EPG5: variants seen among roughly 807,000 people sequenced by gnomAD.
The protein encoded by EPG5 is ectopic P-granules 5 autophagy tethering factor, also known as ectopic P granules protein 5 homolog.
EPG5 carries 159 observed loss-of-function variants against 302.7 expected under a neutral mutation model. The observed-to-expected ratio is 0.53, with a 90% CI of 0.46 to 0.60. The LOEUF is 0.60. EPG5 is among the 20% of genes least tolerant of loss of function. EPG5 has a pLI of 0.00. For missense variants in EPG5, 2,896 were observed against 3,092.4 expected, an observed-to-expected ratio of 0.94 and a Z score of 1.51; for synonymous variants, 1,158 against 1,136.8, an observed-to-expected ratio of 1.02 and a Z score of -0.37.
intron 12 of EPG5, among the ~76,000 whole-genome samples, chr18:45,929,280 A>G (rs2050347683): frequency 2.0e-5 from 3 of 152,228 alleles, no homozygotes. Flanking sequence ...TGTCGGTAAC[A>G]ATAAAATGGT....
chr18:45,824,332 A>G, the EPG5 span, among the ~76,000 whole-genome samples: 1 of 152,142 alleles, frequency 6.6e-6, no homozygotes, highest in Non-Finnish European at 1.5e-5. Context: ...TCAGCCTCCC[A>G]AGTAGCTGAG....
chr18:45,810,587 C>A, the EPG5 span, among the ~76,000 whole-genome samples: 1 of 152,126 alleles, frequency 6.6e-6, no homozygotes, highest in Non-Finnish European at 1.5e-5. Flanking sequence ...CCAAGGCTAG[C>A]CTGGCTAACA....
At chr18:45,914,504 A>ATGC (rs1265328392) in intron 20 of EPG5, among the ~76,000 whole-genome samples, 2 of 152,258 alleles carry the variant, frequency 1.3e-5, no homozygotes, top group African/African-American at 4.8e-5. Flanking sequence ...GATAAAAATA[A>ATGC]TGCTGCTGCT....
intron 9 of EPG5, among the ~76,000 whole-genome samples, chr18:45,941,476 G>A (rs866948539): frequency 2.6e-5 from 4 of 152,176 alleles, no homozygotes; most frequent in African/African-American, 9.7e-5. Context: ...ACGATCTGAA[G>A]GCAAGCCCTT....
rs564136420 is a variant in EPG5 at position 45,883,630 on chromosome 18, T to G, written c.5304+987A>C. Among the ~76,000 whole-genome samples the G allele has an allele frequency of 2.8e-3, 393 of 138,522 alleles. 7 individuals carry two copies. The highest frequency in any genetic ancestry group is 0.01 in the African/African-American group (359 of 35,346). 90.9% of individuals were successfully genotyped at this position (138,522 alleles called of 152,430 possible). On this transcript the variant is annotated intron_variant, in intron 30 of 43. Coordinates refer to ENST00000282041, the MANE Select transcript of EPG5 (RefSeq NM_020964.3). ...TAGCCTGGTGTTTTTTTTTTTTTTT[T>G]TTTTTTTTTTTGTACAGACAGGGTT...
chr18:45,955,413 G>T, intron 1 of EPG5, 75 bp from the exon 2 acceptor site: 2 of 1,078,608 alleles, frequency 1.9e-6, no homozygotes, highest in Non-Finnish European at 2.6e-6. Context: ...TTTTAAAGTT[G>T]CACATAAAAT....
At chr18:45,884,868 A>C in intron 29 of EPG5, 57 bp from the exon 30 acceptor site, 1 of 1,314,196 alleles carries the variant, frequency 7.6e-7, no homozygotes, top group Non-Finnish European at 1.0e-6. Context: ...ACCTTTATTT[A>C]AGCAAGCAAA....
Position 45,948,515 on chromosome 18 carries a change from A to G in EPG5, c.1559T>C (p.Met520Thr), listed in dbSNP as rs1169727556. 2 of 1,613,370 alleles carry G rather than the reference A, an allele frequency of 1.2e-6. No homozygotes were observed. The highest frequency in any genetic ancestry group is 2.7e-5 in the African/African-American group (2 of 74,936). Residue 520 changes from methionine to threonine, a missense_variant, in exon 6 of 44, where the codon ATG (methionine) becomes ACG (threonine). By Grantham distance (81) the Met-to-Thr change is moderately conservative (BLOSUM62 -1). This residue lies in a region of EPG5 where 1,390 missense variants were observed against 1,430.0 expected (regional missense o/e 0.97). Coordinates refer to ENST00000282041, the MANE Select transcript of EPG5 (RefSeq NM_020964.3). ...FHFMQSLALLMSPVKNRAEFM... is the reference protein window; with the variant it reads ...FHFMQSLALLTSPVKNRAEFM... ...CTTGCACACTTACTTGACAGGAGAC[A>G]TCAGCAGGGCAAGGGATTGCATAAA...
At chr18:45,833,728 G>C in the EPG5 span, among the ~76,000 whole-genome samples, 1 of 152,162 alleles carries the variant, frequency 6.6e-6, no homozygotes, top group Admixed American at 6.5e-5. Flanking sequence ...TATTGTTGCT[G>C]TTGCTGTTAG....
At chr18:45,820,648 T>TG in the EPG5 span, among the ~76,000 whole-genome samples, 152 of 152,254 alleles carry the variant, frequency 1.0e-3, no homozygotes, top group Admixed American at 4.6e-3. Context: ...CTGAGCCAGC[T>TG]GGGGGTTCAT....
chr18:45,949,487 G>A lies in EPG5; in HGVS notation c.1494C>T (p.Ile498=), dbSNP rs776905444. ...AGVSKWAVPF[I]QIKVLHNPSG... ...ATGAGTTGATGATTCATCATACCTG[G>A]ATAAAAGGAACAGCCCATTTACTAA... The change falls in exon 5 of 44, where the codon ATC becomes ATT. Residue 498 remains isoleucine, a synonymous_variant. Transcript: ENST00000282041. The A allele has an allele frequency of 6.3e-7, 1 of 1,596,418 alleles. No individual in the cohort carries two copies. Among genetic ancestry groups the A allele is most frequent in the Non-Finnish European group, 8.6e-7 (1 of 1,165,190 alleles).
At chr18:45,952,778 C>A (rs1039201885) in intron 2 of EPG5, 135 bp from the exon 3 acceptor site, 1 of 919,744 alleles carries the variant, frequency 1.1e-6, no homozygotes, top group African/African-American at 1.7e-5. Context: ...AGACATATTA[C>A]TGTGTAGAGA....
chr18:45,806,168 T>C, the EPG5 span, among the ~76,000 whole-genome samples: 1 of 152,200 alleles, frequency 6.6e-6, no homozygotes, highest in Non-Finnish European at 1.5e-5. Context: ...CTCAATAGTA[T>C]CCCATTGCCA....
rs2050067200 is a variant in EPG5 at position 45,917,817 on chromosome 18, A to G, written c.3101T>C (p.Ile1034Thr). 2 of 1,613,778 alleles carry G rather than the reference A, an allele frequency of 1.2e-6. No individual in the cohort carries two copies. The highest frequency in any genetic ancestry group is 3.3e-5 in the Admixed American group (2 of 59,962). ...ALSMTAVGHS[I>T]EKFCAEGIPL... ...GATGCCTTCTGCACAGAACTTCTCA[A>G]TGCTATGGAAAAAGAGAAAGGCACT... The change falls in exon 17 of 44, where the codon ATT (isoleucine) becomes ACT (threonine). Residue 1034 changes from isoleucine (I) to threonine (T), a missense_variant and splice_region_variant. This residue lies in a region of EPG5 where 1,390 missense variants were observed against 1,430.0 expected (regional missense o/e 0.97). Coordinates refer to ENST00000282041, the MANE Select transcript of EPG5 (RefSeq NM_020964.3).
At chr18:45,949,308 C>T (rs2050852711) in intron 5 of EPG5, among the ~76,000 whole-genome samples, 176 bp downstream of exon 5, 3 of 152,018 alleles carry the variant, frequency 2.0e-5, no homozygotes, top group Admixed American at 1.3e-4. Flanking sequence ...TATGGGTAGC[C>T]CAACAAGTTT....
chr18:45,915,696 G>T, intron 19 of EPG5, 75 bp from the exon 20 acceptor site: 1 of 1,093,938 alleles, frequency 9.1e-7, no homozygotes. Context: ...AAGAGTATCA[G>T]CAACTGTCTT....
At position 45,849,548 on chromosome 18, in the gene EPG5, G is replaced by A. The variant is rs1191608429; in HGVS notation, c.*2919C>T. 3.9e-5 allele frequency: 6 copies of A among 152,260 alleles called. No individual in the cohort carries two copies. Among genetic ancestry groups the A allele is most frequent in the Non-Finnish European group, 8.8e-5 (6 of 68,060 alleles). 9.4% of individuals were successfully genotyped at this position (152,260 alleles called of 1,614,324 possible). On this transcript the variant is annotated 3_prime_UTR_variant, in exon 44 of 44. Transcript: ENST00000282041. ...TATCACCTTCATTTGAAAGGAACGA[G>A]GACATGAACACTCTTGGCTTGTATG...
At position 45,950,965 on chromosome 18, in the gene EPG5, C is replaced by A; in HGVS notation, c.1389+137G>T. The A allele has an allele frequency of 5.4e-6, 3 of 558,382 alleles. No homozygotes were observed. In the East Asian group the frequency reaches 1.0e-4, roughly 19 times the overall value. The allele number at this position is 558,382 out of a possible 1,614,324, so 34.6% of individuals were successfully genotyped here. A position where few individuals can be genotyped will look rare whatever the true frequency, so the allele number is the denominator to read the frequency against. ...ATAACTTACTACCATGTATCATGAT[C>A]AAAGAAAAGTCATTAATAAACTCAT... On this transcript the variant is annotated intron_variant, in intron 4 of 43. Transcript: ENST00000282041.
intron 26 of EPG5, among the ~76,000 whole-genome samples, chr18:45,900,351 G>A (rs991851800): frequency 6.9e-5 from 10 of 144,360 alleles, no homozygotes; most frequent in African/African-American, 1.5e-4. Flanking sequence ...GCAGTGAGCC[G>A]AGATCATGCC....
Sources: gnomAD v4.1 joint callset for allele counts (sites outside exome capture counted in the v4.1 genomes callset) on GRCh38, gnomAD v4.1.1 for gene constraint, gnomAD v4.1.1 regional missense constraint, MANE v1.5 for transcripts, NCBI Gene and HGNC (gene_info 2026-07-23, HGNC 2026-07-21) for gene names.